Variants in IDNK observed in about 807,000 individuals in gnomAD.
IDNK encodes IDNK gluconokinase.
In IDNK, 9 loss-of-function variants were observed where a neutral mutation model predicts 13.0. The ratio of observed to expected loss-of-function variants is 0.69; its 90% CI spans 0.42 to 1.21. IDNK has a LOEUF of 1.21. Ranked by LOEUF, IDNK falls within the 50% of genes most tolerant of loss-of-function variation. The probability of loss-of-function intolerance (pLI) is 0.00; values close to 1 mark genes in which losing one functional copy is unlikely to be tolerated. For synonymous variants in IDNK, 92 were observed against 94.9 expected (o/e 0.97, Z 0.18); for missense variants, 210 against 237.8 (o/e 0.88, Z 0.77).
intron 3 of IDNK, among the ~76,000 whole-genome samples, chr9:83,631,766 T>G (rs1831023195): frequency 6.6e-6 from 1 of 152,152 alleles, no homozygotes; most frequent in African/African-American, 2.4e-5. Context: ...AAAGCTGTGT[T>G]GGACAGTGCC....
chr9:83,628,752 T>G (rs1290008088), intron 2 of IDNK, 121 bp from the exon 3 acceptor site: 1 of 709,652 alleles, frequency 1.4e-6, no homozygotes, highest in African/African-American at 1.7e-5. Context: ...GGGTTGTCCT[T>G]GGGGTTGATG....
chr9:83,634,607 C>A lies in IDNK; in HGVS notation c.168+5648C>A, dbSNP rs544510971. 3.9e-5 allele frequency among the ~76,000 whole-genome samples: 6 copies of A among 152,328 alleles called. No individual in the cohort carries two copies. The East Asian group carries it at 9.6e-4, about 24-fold the overall frequency. On this transcript the variant is annotated intron_variant, in intron 3 of 4. Coordinates refer to ENST00000376419, the MANE Select transcript of IDNK (RefSeq NM_001001551.4). The stretch of plus-strand genomic sequence containing the variant: ...AGTATAATGAATAAGATAGTCAACA[C>A]TCAGCTTAATGAAAAGTATATTTGT...
chr9:83,636,310 T>G (rs1831165183), intron 3 of IDNK, among the ~76,000 whole-genome samples: 1 of 152,166 alleles, frequency 6.6e-6, no homozygotes, highest in Non-Finnish European at 1.5e-5. Flanking sequence ...AATCCAAATT[T>G]GTGCTTGAAA....
chr9:83,626,050 G>A (rs1237148041), intron 1 of IDNK, among the ~76,000 whole-genome samples: 1 of 152,162 alleles, frequency 6.6e-6, no homozygotes, highest in Non-Finnish European at 1.5e-5. Flanking sequence ...GATGAAACAA[G>A]CTCAGACCTT....
chr9:83,631,119 G>A (rs537694629), intron 3 of IDNK, among the ~76,000 whole-genome samples: 3 of 152,128 alleles, frequency 2.0e-5, no homozygotes, highest in South Asian at 2.1e-4. Flanking sequence ...CCCGGTAACC[G>A]GTCCCCACCC....
rs144446773 is a variant in IDNK, at chr9:83,625,318, T to C, written c.50+2097T>C. ...GGAAGACAACCTCAGAAGCTCAGTG[T>C]GGGATATGGTGACTTGGACGAGCCA... On this transcript the variant is annotated intron_variant, in intron 1 of 4. Coordinates refer to ENST00000376419, the MANE Select transcript of IDNK (RefSeq NM_001001551.4). 2.9e-4 allele frequency among the ~76,000 whole-genome samples: 44 copies of C among 152,204 alleles called. No individual in the cohort carries two copies. The East Asian group carries it at 6.8e-3, about 23-fold the overall frequency.
intron 2 of IDNK, 36 bp from the exon 3 acceptor site, chr9:83,628,837 G>A: frequency 6.8e-7 from 1 of 1,461,946 alleles, no homozygotes; most frequent in Non-Finnish European, 9.6e-7. Flanking sequence ...TGGCCCATCT[G>A]CCTGCCACAT....
intron 1 of IDNK, 79 bp downstream of exon 1, chr9:83,623,300 C>A: frequency 8.0e-7 from 1 of 1,255,096 alleles, no homozygotes; most frequent in Non-Finnish European, 1.0e-6. Context: ...GCCGTCCCTG[C>A]CGGTGGACTG....
At chr9:83,623,876 T>TTGG (rs1426842665) in intron 1 of IDNK, among the ~76,000 whole-genome samples, 2 of 152,204 alleles carry the variant, frequency 1.3e-5, no homozygotes, top group Non-Finnish European at 2.9e-5. Flanking sequence ...GGCTTCCTGT[T>TTGG]TAAACCAAAG....
At chr9:83,641,403 C>A in intron 3 of IDNK, 145 bp from the exon 4 acceptor site, 1 of 768,806 alleles carries the variant, frequency 1.3e-6, no homozygotes, top group Non-Finnish European at 2.2e-6. Context: ...GCTGGCCCCT[C>A]AGCCTTGTGC....
chr9:83,623,130 G>A, upstream of IDNK: 2 of 1,403,876 alleles, frequency 1.4e-6, no homozygotes, highest in South Asian at 1.6e-5. Flanking sequence ...GGCCGGGGCC[G>A]GCGGGGCCCG....
intron 3 of IDNK, among the ~76,000 whole-genome samples, chr9:83,633,775 G>A (rs1448994387): frequency 2.6e-5 from 4 of 152,210 alleles, no homozygotes. Context: ...AAGCCACACA[G>A]CAAAGGGAGT....
intron 1 of IDNK, chr9:83,623,465 G>A (rs1441595622): frequency 4.1e-6 from 2 of 491,510 alleles, no homozygotes; most frequent in Middle Eastern, 3.1e-4. Flanking sequence ...GGGAGGCTGC[G>A]GCGACCGCAG....
rs750323425 is a variant in IDNK, at chr9:83,643,752, C to G, written c.536C>G (p.Thr179Arg). The change falls in exon 5 of 5, where the codon ACA becomes AGA. Residue 179 changes from threonine (T) to arginine (R), a missense_variant. Transcript: ENST00000376419. ...VDKNVSEIIA[T>R]IMETLKMK Reference sequence around the variant, plus strand: ...AAAAATGTTTCAGAGATAATTGCTACAATTATGGAAACCCTAAAAATGAAA... The same window carrying G: ...AAAAATGTTTCAGAGATAATTGCTAGAATTATGGAAACCCTAAAAATGAAA... 6.2e-7 allele frequency: 1 copy of G among 1,610,802 alleles called. No homozygotes were observed. The highest frequency in any genetic ancestry group is 2.2e-5 in the East Asian group (1 of 44,866).
At chr9:83,642,353 G>A (rs895828012) in intron 4 of IDNK, among the ~76,000 whole-genome samples, 10 of 151,990 alleles carry the variant, frequency 6.6e-5, no homozygotes, top group Admixed American at 1.3e-4. Context: ...TTTCACACCC[G>A]TTGACATGGC....
intron 1 of IDNK, among the ~76,000 whole-genome samples, chr9:83,627,209 A>C (rs998562916): frequency 6.6e-6 from 1 of 152,246 alleles, no homozygotes; most frequent in African/African-American, 2.4e-5. Context: ...ATAGGTAAAA[A>C]TTAGGAAGAT....
Position 83,644,040 on chromosome 9 carries a change from G to A in IDNK, c.*260G>A. On this transcript the variant is annotated 3_prime_UTR_variant, in exon 5 of 5. Transcript: ENST00000376419. ...AAATCAAATGATCAGAGGAAATTCT[G>A]TAATCAATGCTGGAAATCGTTACAT... 1 of 387,876 alleles carries A rather than the reference G, an allele frequency of 2.6e-6. No individual in the cohort carries two copies. The highest frequency in any genetic ancestry group is 7.2e-4 in the Middle Eastern group (1 of 1,382). The allele number at this position is 387,876 out of a possible 1,614,324, so 24.0% of individuals were successfully genotyped here.
chr9:83,633,942 A>C (rs938917531), intron 3 of IDNK, among the ~76,000 whole-genome samples: 2 of 152,224 alleles, frequency 1.3e-5, no homozygotes, highest in Non-Finnish European at 2.9e-5. Context: ...TGAGAGGGGC[A>C]GTTCCCCACA....
At chr9:83,640,944 T>A (rs1056195425) in intron 3 of IDNK, among the ~76,000 whole-genome samples, 3 of 152,066 alleles carry the variant, frequency 2.0e-5, no homozygotes, top group Non-Finnish European at 2.9e-5. Flanking sequence ...TAATAGAAAG[T>A]TTTTTTTGTT....
Sources: allele counts gnomAD v4.1 joint callset (sites outside exome capture counted in the v4.1 genomes callset), GRCh38; gene constraint gnomAD v4.1.1; transcripts MANE v1.5; gene names NCBI Gene and HGNC (gene_info 2026-07-23, HGNC 2026-07-21).